YTHDF3: variants seen among roughly 807,000 people sequenced by gnomAD.
YTHDF3 encodes the protein YTH N6-methyladenosine RNA binding protein F3.
A neutral mutation model predicts 52.5 loss-of-function variants in YTHDF3; 9 were observed. The observed-to-expected ratio is 0.17, with a 90% confidence interval of 0.10 to 0.30. YTHDF3 has a LOEUF of 0.30. Among genes scored for constraint, YTHDF3 ranks in the 10% least tolerant of loss-of-function variants. The pLI, the probability that YTHDF3 is intolerant of heterozygous loss-of-function variation, is 1.00. For missense variants in YTHDF3, 534 were observed against 715.0 expected, an observed-to-expected ratio of 0.75 and a Z score of 2.89; for synonymous variants, 274 against 243.3, an observed-to-expected ratio of 1.13 and a Z score of -1.18.
chr8:63,184,527 T>C (rs769520104), intron 3 of YTHDF3, among the ~76,000 whole-genome samples: 12 of 152,240 alleles, frequency 7.9e-5, no homozygotes, highest in Non-Finnish European at 1.6e-4. Flanking sequence ...GGTAATTTAA[T>C]AGTAAAACAA....
chr8:63,180,321 C>T, intron 3 of YTHDF3, among the ~76,000 whole-genome samples: 1 of 151,412 alleles, frequency 6.6e-6, no homozygotes, highest in Non-Finnish European at 1.5e-5. Flanking sequence ...AGGTGCTCCC[C>T]ACATCTCAGA....
chr8:63,170,340 T>C (rs984118839), intron 2 of YTHDF3, among the ~76,000 whole-genome samples: 10 of 152,180 alleles, frequency 6.6e-5, no homozygotes, highest in African/African-American at 2.4e-4. Flanking sequence ...TTTAAATTCT[T>C]GTTAGGGTAT....
chr8:63,201,830 A>AT (rs1437313285), intron 4 of YTHDF3, among the ~76,000 whole-genome samples: 1 of 152,162 alleles, frequency 6.6e-6, no homozygotes, highest in African/African-American at 2.4e-5. Context: ...AATTATTTTT[A>AT]TTTTCTCAAA....
intron 2 of YTHDF3, among the ~76,000 whole-genome samples, chr8:63,171,844 C>A (rs1807347581): frequency 6.6e-6 from 1 of 152,162 alleles, no homozygotes. Context: ...CCTTTTCAGT[C>A]AACTTACTAT....
chr8:63,190,790 C>G (rs1420291138), intron 4 of YTHDF3, among the ~76,000 whole-genome samples: 9 of 152,202 alleles, frequency 5.9e-5, no homozygotes, highest in Admixed American at 6.5e-5. Context: ...TCAGAGCCTA[C>G]TCTGGCTGGC....
At position 63,168,729 on chromosome 8, in the gene YTHDF3, C is replaced by G; in HGVS notation, c.-149C>G. The G allele has an allele frequency of 6.8e-7, 1 of 1,479,632 alleles. No homozygotes were observed. The highest frequency in any genetic ancestry group is 1.2e-5 in the South Asian group (1 of 81,960). The allele number at this position is 1,479,632 out of a possible 1,614,324, so 91.7% of individuals were successfully genotyped here. A position where few individuals can be genotyped will look rare whatever the true frequency, so the allele number is the denominator to read the frequency against. ...GGCCTCTTCCTCCGACTCCCGAGCG[C>G]GAGGCCCTCATTTTGGGTTCTCAGC... On this transcript the variant is annotated 5_prime_UTR_variant, in exon 1 of 5. Coordinates refer to ENST00000539294, the MANE Select transcript of YTHDF3 (RefSeq NM_152758.6).
chr8:63,185,902 C>T (rs1808466786), intron 3 of YTHDF3, among the ~76,000 whole-genome samples: 1 of 152,048 alleles, frequency 6.6e-6, no homozygotes, highest in Non-Finnish European at 1.5e-5. Flanking sequence ...CTCATTATAC[C>T]CCCACTCTCA....
chr8:63,173,202 T>TTATATATATACATATATATATATATA (rs1807448876), intron 2 of YTHDF3, among the ~76,000 whole-genome samples: 1 of 125,886 alleles, frequency 7.9e-6, no homozygotes, highest in African/African-American at 4.0e-5. Context: ...AGGATTATAT[T>TTATATATATACATATATATATATATA]TATATATATA....
At chr8:63,180,497 G>C (rs551690851) in intron 3 of YTHDF3, among the ~76,000 whole-genome samples, 12 of 151,616 alleles carry the variant, frequency 7.9e-5, no homozygotes, top group Admixed American at 7.2e-4. Flanking sequence ...AGACTGGGCA[G>C]CCAGGCAGAG....
At chr8:63,184,432 CAG>C (rs1808367547) in intron 3 of YTHDF3, among the ~76,000 whole-genome samples, 1 of 152,172 alleles carries the variant, frequency 6.6e-6, no homozygotes, top group Non-Finnish European at 1.5e-5. Context: ...TTAGTCATAT[CAG>C]AGAACCATTT....
intron 4 of YTHDF3, among the ~76,000 whole-genome samples, chr8:63,205,379 A>T (rs2150400752): frequency 6.6e-6 from 1 of 152,192 alleles, no homozygotes; most frequent in African/African-American, 2.4e-5. Context: ...CTCATTTTAT[A>T]ATAACATCAA....
chr8:63,187,797 C>T (rs1470116233), intron 4 of YTHDF3, 52 bp downstream of exon 4: 3 of 1,503,298 alleles, frequency 2.0e-6, no homozygotes, highest in Non-Finnish European at 2.7e-6. Context: ...TGGTGGGGTG[C>T]ATGGATGGGT....
At position 63,210,856 on chromosome 8, in the gene YTHDF3, T is replaced by A. The variant is rs756932072; in HGVS notation, c.*1150T>A. On this transcript the variant is annotated 3_prime_UTR_variant, in exon 5 of 5. Transcript: ENST00000539294. ...TCTTATTTTTTTCATTAATTACATA[T>A]CAACATTAATTTTGTATCTTGAAGC... is the stretch of plus-strand genomic sequence containing the variant. 2.0e-5 allele frequency: 3 copies of A among 152,594 alleles called. No homozygotes were observed. The highest frequency in any genetic ancestry group is 6.5e-5 in the Admixed American group (1 of 15,288). The allele number at this position is 152,594 out of a possible 1,614,324, so 9.5% of individuals were successfully genotyped here. A position where few individuals can be genotyped will look rare whatever the true frequency, so the allele number is the denominator to read the frequency against.
Position 63,168,632 on chromosome 8 carries a change from GTCTGTCCGCCAT to G in YTHDF3, c.-244_-233del. 1 of 668,462 alleles carries G rather than the reference GTCTGTCCGCCAT, an allele frequency of 1.5e-6. No individual in the cohort carries two copies. The highest frequency in any genetic ancestry group is 2.5e-6 in the Non-Finnish European group (1 of 397,164). 41.4% of individuals were successfully genotyped at this position (668,462 alleles called of 1,614,324 possible). Reference sequence around the variant, plus strand: ...CTCGGAGCGGAAGTGAGACTAGGGAGTCTGTCCGCCATTGTGGACCCGAGAAGCAGAGAGCGA... The same window carrying G: ...CTCGGAGCGGAAGTGAGACTAGGGAGTGTGGACCCGAGAAGCAGAGAGCGA... On this transcript the variant is annotated 5_prime_UTR_variant, in exon 1 of 5. Transcript: ENST00000539294.
At chr8:63,178,918 C>T (rs992783447) in intron 3 of YTHDF3, among the ~76,000 whole-genome samples, 2 of 152,158 alleles carry the variant, frequency 1.3e-5, no homozygotes, top group Non-Finnish European at 1.5e-5. Flanking sequence ...TTTAGAGTTA[C>T]ACAACTATTT....
intron 4 of YTHDF3, among the ~76,000 whole-genome samples, chr8:63,189,694 T>G (rs187380151): frequency 2.4e-4 from 36 of 152,284 alleles, no homozygotes; most frequent in Admixed American, 2.1e-3. Context: ...AAGTGTTAAT[T>G]GGGGTGTTTA....
At chr8:63,173,637 T>C (rs1807493979) in intron 2 of YTHDF3, 2 of 985,216 alleles carry the variant, frequency 2.0e-6, no homozygotes, top group Admixed American at 6.1e-5. Context: ...CATGCATACT[T>C]ACCTTTGATT....
At chr8:63,176,245 A>G (rs962470209) in intron 3 of YTHDF3, among the ~76,000 whole-genome samples, 1 of 152,204 alleles carries the variant, frequency 6.6e-6, no homozygotes, top group African/African-American at 2.4e-5. Context: ...AAAAATGCTC[A>G]AGAACTTTGG....
chr8:63,179,002 TAAA>T (rs1563395608), intron 3 of YTHDF3, among the ~76,000 whole-genome samples: 2 of 151,980 alleles, frequency 1.3e-5, no homozygotes, highest in African/African-American at 2.4e-5. Flanking sequence ...AAATTATAAA[TAAA>T]AAATATTTTG....
Sources: allele counts gnomAD v4.1 joint callset (sites outside exome capture counted in the v4.1 genomes callset), GRCh38; gene constraint gnomAD v4.1.1; transcripts MANE v1.5; gene names NCBI Gene and HGNC (gene_info 2026-07-23, HGNC 2026-07-21).